NRXN1: variants seen among roughly 807,000 people sequenced by gnomAD.
The protein encoded by NRXN1 is neurexin-1.
In NRXN1, 39 loss-of-function variants were observed where a neutral mutation model predicts 150.9. The observed-to-expected ratio is 0.26, with a 90% CI of 0.20 to 0.34. The LOEUF is 0.34. NRXN1 is among the 10% of genes least tolerant of loss of function. NRXN1 has a pLI of 1.00. For missense variants in NRXN1, 1,815 were observed against 1,949.9 expected, an observed-to-expected ratio of 0.93 and a Z score of 1.30; for synonymous variants, 924 against 757.0, an observed-to-expected ratio of 1.22 and a Z score of -3.62.
intron 21 of NRXN1, among the ~76,000 whole-genome samples, chr2:49,947,264 G>A (rs1269440453): frequency 6.6e-6 from 1 of 151,836 alleles, no homozygotes; most frequent in Non-Finnish European, 1.5e-5. Flanking sequence ...TGTTCCTATT[G>A]GTGTTTTATT....
At position 50,505,584 on chromosome 2, in the gene NRXN1, A is replaced by G. The variant is rs143704980; in HGVS notation, c.2497+911T>C. 5.2e-4 allele frequency among the ~76,000 whole-genome samples: 79 copies of G among 152,242 alleles called. 1 individual carries two copies. In the East Asian group the frequency reaches 0.014, roughly 27 times the overall value. On this transcript the variant is annotated intron_variant, in intron 13 of 22. Transcript: ENST00000401669. ...CTTCAAAGAACTGTCCTAGACCAAA[A>G]CTAATTGAACTCCAATGATACTCTT... is the stretch of plus-strand genomic sequence containing the variant.
At chr2:50,290,278 C>G (rs1333506514) in intron 17 of NRXN1, among the ~76,000 whole-genome samples, 1 of 152,120 alleles carries the variant, frequency 6.6e-6, no homozygotes, top group Non-Finnish European at 1.5e-5. Flanking sequence ...CAATACTTCG[C>G]CTGAAATTGA....
intron 21 of NRXN1, among the ~76,000 whole-genome samples, chr2:50,007,354 T>C (rs1684937937): frequency 6.6e-6 from 1 of 151,884 alleles, no homozygotes; most frequent in Admixed American, 6.6e-5. Context: ...TCTGACAAAA[T>C]GTGGTGGTCA....
intron 5 of NRXN1, among the ~76,000 whole-genome samples, chr2:50,769,648 A>G (rs1449502697): frequency 1.3e-5 from 2 of 152,044 alleles, no homozygotes; most frequent in Non-Finnish European, 2.9e-5. Context: ...CAACGAACTC[A>G]CTAGGCTACA....
intron 5 of NRXN1, among the ~76,000 whole-genome samples, chr2:50,653,966 G>C (rs1369214038): frequency 4.5e-5 from 6 of 132,732 alleles, no homozygotes; most frequent in Non-Finnish European, 8.1e-5. Context: ...TTCTCTTTTG[G>C]CCTTTTCATC....
chr2:50,206,329 A>T (rs2062574963), intron 18 of NRXN1, among the ~76,000 whole-genome samples: 1 of 152,060 alleles, frequency 6.6e-6, no homozygotes, highest in Non-Finnish European at 1.5e-5. Flanking sequence ...AAACAAAAGT[A>T]TTCACGAGGT....
chr2:50,668,054 A>C (rs953179480), intron 5 of NRXN1, among the ~76,000 whole-genome samples: 1 of 152,020 alleles, frequency 6.6e-6, no homozygotes, highest in African/African-American at 2.4e-5. Flanking sequence ...CTTTTTAGAA[A>C]CAATGGGAGC....
chr2:50,451,244 C>G (rs2104533633), intron 17 of NRXN1, among the ~76,000 whole-genome samples: 1 of 152,316 alleles, frequency 6.6e-6, no homozygotes, highest in Admixed American at 6.5e-5. Context: ...GCTGGTATTA[C>G]AGGCGTGAGT....
At chr2:50,065,094 G>T (rs917056589) in intron 19 of NRXN1, among the ~76,000 whole-genome samples, 1 of 152,084 alleles carries the variant, frequency 6.6e-6, no homozygotes, top group African/African-American at 2.4e-5. Flanking sequence ...TGGTCTGTAG[G>T]TAAAGAAACT....
At chr2:50,724,244 T>C (rs1559171439) in intron 5 of NRXN1, among the ~76,000 whole-genome samples, 2 of 152,226 alleles carry the variant, frequency 1.3e-5, no homozygotes, top group East Asian at 1.9e-4. Flanking sequence ...GGGCATACAG[T>C]ACTATATAAG....
intron 21 of NRXN1, among the ~76,000 whole-genome samples, chr2:50,042,463 C>T (rs1284579077): frequency 6.6e-6 from 1 of 152,154 alleles, no homozygotes; most frequent in East Asian, 1.9e-4. Flanking sequence ...TTTCCTGAGG[C>T]CTCCCCAGCC....
chr2:50,067,717 G>A (rs1018428403), intron 19 of NRXN1, among the ~76,000 whole-genome samples: 3 of 152,150 alleles, frequency 2.0e-5, no homozygotes, highest in Admixed American at 6.6e-5. Context: ...ACTAAATACT[G>A]AGAATAAGAA....
chr2:50,203,627 T>A (rs2062348941), intron 18 of NRXN1, among the ~76,000 whole-genome samples: 1 of 152,176 alleles, frequency 6.6e-6, no homozygotes, highest in African/African-American at 2.4e-5. Flanking sequence ...ACAAGAGCTA[T>A]CACAATGTTG....
intron 19 of NRXN1, among the ~76,000 whole-genome samples, chr2:50,060,093 G>A (rs1307397563): frequency 2.0e-5 from 3 of 152,140 alleles, no homozygotes; most frequent in African/African-American, 7.2e-5. Flanking sequence ...CCATGCACCT[G>A]GAAAAGCCAC....
intron 5 of NRXN1, among the ~76,000 whole-genome samples, chr2:50,909,172 C>T (rs1380484492): frequency 2.0e-5 from 3 of 151,940 alleles, no homozygotes; most frequent in Non-Finnish European, 2.9e-5. Flanking sequence ...AGCAAAACAA[C>T]ATGCAGATGG....
intron 21 of NRXN1, among the ~76,000 whole-genome samples, chr2:49,948,387 GA>G: frequency 6.6e-6 from 1 of 152,002 alleles, no homozygotes; most frequent in East Asian, 1.9e-4. Flanking sequence ...TCTTACAGTA[GA>G]AAAAAATAAC....
intron 19 of NRXN1, among the ~76,000 whole-genome samples, chr2:50,072,214 AC>A (rs1696389407): frequency 6.6e-6 from 1 of 152,134 alleles, no homozygotes; most frequent in South Asian, 2.1e-4. Flanking sequence ...TCCTTGTAAC[AC>A]CTGCTACGCG....
intron 18 of NRXN1, among the ~76,000 whole-genome samples, chr2:50,230,174 G>C (rs962024859): frequency 6.6e-6 from 1 of 152,082 alleles, no homozygotes; most frequent in African/African-American, 2.4e-5. Context: ...GACCAACCCT[G>C]AAAACACTCA....
In NRXN1 at chr2:50,169,732, AG is replaced by A. The variant is rs1318122025; in HGVS notation, c.3546+67056del. ...ATCTCAAAAAAAAAAAAAAAAAGAA[AG>A]AAAGAAATTATATGGATGAGGTAGA... On this transcript the variant is annotated intron_variant, in intron 18 of 22. Coordinates refer to ENST00000401669, the MANE Select transcript of NRXN1 (RefSeq NM_001330078.2). 3.9e-4 allele frequency among the ~76,000 whole-genome samples: 51 copies of A among 130,088 alleles called. 3 individuals are homozygous for A. The highest frequency in any genetic ancestry group is 2.2e-3 in the African/African-American group (48 of 21,600). The allele number at this position is 130,088 out of a possible 152,430, so 85.3% of individuals were successfully genotyped here. A position where few individuals can be genotyped will look rare whatever the true frequency, so the allele number is the denominator to read the frequency against.
Sources: gnomAD v4.1 joint callset for allele counts (sites outside exome capture counted in the v4.1 genomes callset) on GRCh38, gnomAD v4.1.1 for gene constraint, MANE v1.5 for transcripts, NCBI Gene and HGNC (gene_info 2026-07-23, HGNC 2026-07-21) for gene names.